Variants in ACVR1C observed in about 807,000 individuals in gnomAD.
ACVR1C encodes activin receptor type-1C.
In ACVR1C, 23 loss-of-function variants were observed where a neutral mutation model predicts 57.9. That is an observed-to-expected ratio of 0.40 (90% confidence interval 0.29 to 0.56). The LOEUF is 0.56. Among genes scored for constraint, ACVR1C ranks in the 20% least tolerant of loss-of-function variants. The probability of loss-of-function intolerance (pLI) is 0.50; values close to 1 mark genes in which losing one functional copy is unlikely to be tolerated. For synonymous variants in ACVR1C, 214 were observed against 215.3 expected, an observed-to-expected ratio of 0.99 and a Z score of 0.05; for missense variants, 480 against 607.9, an observed-to-expected ratio of 0.79 and a Z score of 2.21.
chr2:157,619,434 T>C (rs373647485), intron 1 of ACVR1C, among the ~76,000 whole-genome samples: 1 of 151,964 alleles, frequency 6.6e-6, no homozygotes, highest in East Asian at 1.9e-4. Flanking sequence ...GTTAAATATG[T>C]ATATTAGAAG....
chr2:157,540,944 C>T lies in ACVR1C; in HGVS notation c.1225+146G>A, dbSNP rs368483098. The T allele has an allele frequency of 2.3e-5, 23 of 987,552 alleles. No homozygotes were observed. The African/African-American group carries it at 3.5e-4, about 15-fold the overall frequency. 61.2% of individuals were successfully genotyped at this position (987,552 alleles called of 1,614,324 possible). On this transcript the variant is annotated intron_variant, in intron 7 of 8. Coordinates refer to ENST00000243349, the MANE Select transcript of ACVR1C (RefSeq NM_145259.3). ...TACATGCAAGATATCCCACTTTTGCCACTGGAAATATATCACCAAAAGGTA... is the reference window on the plus strand; with the variant it reads ...TACATGCAAGATATCCCACTTTTGCTACTGGAAATATATCACCAAAAGGTA...
At chr2:157,595,706 C>T (rs1682081391) in intron 1 of ACVR1C, among the ~76,000 whole-genome samples, 1 of 152,166 alleles carries the variant, frequency 6.6e-6, no homozygotes, top group Non-Finnish European at 1.5e-5. Flanking sequence ...CTGGGTTCTT[C>T]CCACTCCTCC....
At position 157,531,203 on chromosome 2, in the gene ACVR1C, C is replaced by T. The variant is rs1687343056; in HGVS notation, c.*2715G>A. ...TGCCTTATGCTCTAAACTTCATCAT[C>T]CTATTTTTGTAAGTGAGCATGTTCT... is the stretch of plus-strand genomic sequence containing the variant. On this transcript the variant is annotated 3_prime_UTR_variant, in exon 9 of 9. Transcript: ENST00000243349. The T allele has an allele frequency of 6.6e-6, 1 of 151,882 alleles. No individual in the cohort carries two copies. The highest frequency in any genetic ancestry group is 6.6e-5 in the Admixed American group (1 of 15,220). 9.4% of individuals were successfully genotyped at this position (151,882 alleles called of 1,614,324 possible).
At chr2:157,554,433 G>A (rs920206860) in intron 3 of ACVR1C, among the ~76,000 whole-genome samples, 2 of 151,718 alleles carry the variant, frequency 1.3e-5, no homozygotes, top group African/African-American at 2.4e-5. Context: ...AAGGAAGGAA[G>A]GAAGGAAGGT....
intron 4 of ACVR1C, among the ~76,000 whole-genome samples, 160 bp downstream of exon 4, chr2:157,550,002 C>CAAAAA (rs34150063): frequency 1.1e-5 from 1 of 91,916 alleles, no homozygotes; most frequent in Non-Finnish European, 2.1e-5. Context: ...GATTACGTCT[C>CAAAAA]AAAAAAAAAA....
At position 157,531,798 on chromosome 2, in the gene ACVR1C, T is replaced by C. The variant is rs1185462122; in HGVS notation, c.*2120A>G. The C allele has an allele frequency of 1.3e-5, 2 of 152,078 alleles. No homozygotes were observed. The highest frequency in any genetic ancestry group is 4.8e-5 in the African/African-American group (2 of 41,450). 9.4% of individuals were successfully genotyped at this position (152,078 alleles called of 1,614,324 possible). A position where few individuals can be genotyped will look rare whatever the true frequency, so the allele number is the denominator to read the frequency against. ...CAAATAAAGCTACTTTCTAAATGTG[T>C]TGCAAATGAAAGCAATTTTCAGACC... On this transcript the variant is annotated 3_prime_UTR_variant, in exon 9 of 9. Transcript: ENST00000243349.
chr2:157,628,503 C>T, intron 1 of ACVR1C, 69 bp downstream of exon 1: 3 of 1,526,594 alleles, frequency 2.0e-6, no homozygotes, highest in Non-Finnish European at 2.7e-6. Flanking sequence ...CCCCCACCCC[C>T]GTGCTCACCC....
intron 1 of ACVR1C, among the ~76,000 whole-genome samples, chr2:157,623,707 G>C: frequency 6.6e-6 from 1 of 152,130 alleles, no homozygotes; most frequent in East Asian, 1.9e-4. Flanking sequence ...GGTGACTATA[G>C]TCAGTAATAA....
chr2:157,558,193 A>G (rs574734728), intron 2 of ACVR1C, among the ~76,000 whole-genome samples: 1 of 152,278 alleles, frequency 6.6e-6, no homozygotes, highest in Non-Finnish European at 1.5e-5. Context: ...ACCTTTGGCA[A>G]ACTGCCTCCC....
At chr2:157,576,201 TTC>T (rs1688647459) in intron 2 of ACVR1C, among the ~76,000 whole-genome samples, 2 of 137,866 alleles carry the variant, frequency 1.5e-5, no homozygotes, top group South Asian at 2.2e-4. Context: ...GAATAATCAT[TTC>T]TTTTTTTTTT....
At chr2:157,619,719 A>T (rs1166205448) in intron 1 of ACVR1C, among the ~76,000 whole-genome samples, 1 of 152,028 alleles carries the variant, frequency 6.6e-6, no homozygotes, top group Non-Finnish European at 1.5e-5. Context: ...AATAACTTAA[A>T]CCTAAAGAAA....
At chr2:157,614,846 A>G (rs1215286000) in intron 1 of ACVR1C, among the ~76,000 whole-genome samples, 2 of 152,186 alleles carry the variant, frequency 1.3e-5, no homozygotes, top group Non-Finnish European at 2.9e-5. Flanking sequence ...AATTTTTTCC[A>G]TAGTTGTACT....
In ACVR1C at chr2:157,628,788, C is replaced by A; in HGVS notation, c.-144G>T. ...TTTGAAGTGCGCGGTTGGCTCTAGT[C>A]AGTGTGGGCGCCCCCCTCCCCGGCC... On this transcript the variant is annotated 5_prime_UTR_variant, in exon 1 of 9. Coordinates refer to ENST00000243349, the MANE Select transcript of ACVR1C (RefSeq NM_145259.3). 1.6e-6 allele frequency: 1 copy of A among 615,756 alleles called. No individual in the cohort carries two copies. The highest frequency in any genetic ancestry group is 2.5e-6 in the Non-Finnish European group (1 of 392,528). The allele number at this position is 615,756 out of a possible 1,614,324, so 38.1% of individuals were successfully genotyped here.
intron 4 of ACVR1C, among the ~76,000 whole-genome samples, chr2:157,544,889 G>A (rs947685234): frequency 1.3e-5 from 2 of 152,072 alleles, no homozygotes; most frequent in African/African-American, 4.8e-5. Context: ...TATTTCCTCT[G>A]TATCAATACC....
intron 1 of ACVR1C, among the ~76,000 whole-genome samples, chr2:157,616,495 T>C (rs1490458258): frequency 6.6e-6 from 1 of 152,170 alleles, no homozygotes; most frequent in Non-Finnish European, 1.5e-5. Flanking sequence ...ATCATAGTTA[T>C]TTTAAATTCC....
chr2:157,626,199 C>T (rs564162450), intron 1 of ACVR1C, among the ~76,000 whole-genome samples: 5 of 152,188 alleles, frequency 3.3e-5, no homozygotes, highest in Non-Finnish European at 4.4e-5. Context: ...AACTTGCTGG[C>T]CTCAAGCAAT....
intron 2 of ACVR1C, among the ~76,000 whole-genome samples, chr2:157,557,112 C>T (rs761864914): frequency 4.6e-5 from 7 of 150,688 alleles, no homozygotes; most frequent in Non-Finnish European, 8.8e-5. Context: ...TATATGTTCT[C>T]ATTCATCTAC....
At chr2:157,550,050 A>C in intron 4 of ACVR1C, 112 bp downstream of exon 4, 2 of 792,696 alleles carry the variant, frequency 2.5e-6, no homozygotes, top group Non-Finnish European at 3.9e-6. Flanking sequence ...AAAAAAAAGA[A>C]GAGGTGAATT....
intron 8 of ACVR1C, 71 bp from the exon 9 acceptor site, chr2:157,534,114 C>A: frequency 7.6e-7 from 1 of 1,315,292 alleles, no homozygotes; most frequent in Non-Finnish European, 9.8e-7. Flanking sequence ...AGAAGTAAAG[C>A]CATAAATCCA....
Sources: allele counts gnomAD v4.1 joint callset (sites outside exome capture counted in the v4.1 genomes callset), GRCh38; gene constraint gnomAD v4.1.1; transcripts MANE v1.5; gene names NCBI Gene and HGNC (gene_info 2026-07-23, HGNC 2026-07-21).